PPP2R5E: variants seen among roughly 807,000 people sequenced by gnomAD.
The protein encoded by PPP2R5E is serine/threonine-protein phosphatase 2A 56 kDa regulatory subunit epsilon isoform.
Under a neutral mutation model 65.3 loss-of-function variants are expected in PPP2R5E, and 4 were observed. The ratio of observed to expected loss-of-function variants is 0.06; its 90% CI spans 0.03 to 0.14. PPP2R5E has a LOEUF of 0.14. PPP2R5E is among the 10% of genes least tolerant of loss of function. PPP2R5E has a pLI of 1.00. For synonymous variants in PPP2R5E, 183 were observed against 187.4 expected, an observed-to-expected ratio of 0.98 and a Z score of 0.19; for missense variants, 274 against 556.1, an observed-to-expected ratio of 0.49 and a Z score of 5.10.
rs1883795735 is a variant in PPP2R5E at position 63,373,384 on chromosome 14, C to T, written c.*2625G>A. ...TGTGGGAAGGGACAGAGAGAGAGGG[C>T]TGCTGCAAATGCAGCAAGTACGTCC... On this transcript the variant is annotated 3_prime_UTR_variant, in exon 14 of 14. Transcript: ENST00000337537. The T allele has an allele frequency of 6.6e-6, 1 of 152,198 alleles. No homozygotes were observed. Among genetic ancestry groups the T allele is most frequent in the Admixed American group, 6.6e-5 (1 of 15,266 alleles). 9.4% of individuals were successfully genotyped at this position (152,198 alleles called of 1,614,324 possible).
Position 63,445,426 on chromosome 14 carries a change from T to G in PPP2R5E, c.354+8263A>C, listed in dbSNP as rs754528171. Among the ~76,000 whole-genome samples, 216 of 152,260 alleles carry G rather than the reference T, an allele frequency of 1.4e-3. 2 individuals carry two copies. Among genetic ancestry groups the G allele is most frequent in the Non-Finnish European group, 2.7e-3 (186 of 68,046 alleles). On this transcript the variant is annotated intron_variant, in intron 3 of 13. Transcript: ENST00000337537. ...TTGCTAAAAAATGCTAACAATCATC[T>G]GAGCCTTTAGCGAGTTGTAATCTTT...
chr14:63,376,090 C>T lies in PPP2R5E; in HGVS notation c.1323G>A (p.Lys441=), dbSNP rs555683203. The T allele has an allele frequency of 8.7e-6, 14 of 1,603,692 alleles. No homozygotes were observed. In the East Asian group the frequency reaches 3.1e-4, roughly 36 times the overall value. ...ATTTTTTCCACAATTCTTCACGCTC[C>T]TTTTCTTTCTTTTTCTCACTGAGGA... The part of the protein sequence containing the change: ...SDRQREKKKE[K]EREELWKKLE... The change falls in exon 14 of 14, where the codon AAG becomes AAA. Residue 441 remains lysine (K), a synonymous_variant. Transcript: ENST00000337537.
chr14:63,406,619 A>G (rs1350792852), intron 5 of PPP2R5E, among the ~76,000 whole-genome samples: 3 of 152,168 alleles, frequency 2.0e-5, no homozygotes, highest in Admixed American at 1.3e-4. Context: ...GGTCATACCA[A>G]CACTACTTAA....
At position 63,395,351 on chromosome 14, in the gene PPP2R5E, A is replaced by G. The variant is rs1340697145; in HGVS notation, c.681-66T>C. The G allele has an allele frequency of 3.9e-6, 3 of 764,820 alleles. No homozygotes were observed. In the African/African-American group the frequency reaches 6.5e-5, roughly 17 times the overall value. 47.4% of individuals were successfully genotyped at this position (764,820 alleles called of 1,614,324 possible). A position where few individuals can be genotyped will look rare whatever the true frequency, so the allele number is the denominator to read the frequency against. ...AGGAGGAGAAGGAAGGGATAAAAAG[A>G]GGAGGAGGAGGAGGAGAAGGGGGAG... On this transcript the variant is annotated intron_variant, in intron 6 of 13. Transcript: ENST00000337537.
At chr14:63,442,807 C>T (rs1888301127) in intron 3 of PPP2R5E, among the ~76,000 whole-genome samples, 2 of 152,082 alleles carry the variant, frequency 1.3e-5, no homozygotes, top group Admixed American at 1.3e-4. Context: ...TAACATATCC[C>T]CATGGTTAAG....
intron 3 of PPP2R5E, among the ~76,000 whole-genome samples, chr14:63,430,878 A>G (rs911013409): frequency 1.3e-5 from 2 of 152,242 alleles, no homozygotes; most frequent in Non-Finnish European, 2.9e-5. Context: ...GACTAGGTAT[A>G]AAGTCTTTTT....
intron 2 of PPP2R5E, among the ~76,000 whole-genome samples, chr14:63,498,590 C>T (rs1446164173): frequency 2.0e-5 from 3 of 151,764 alleles, no homozygotes; most frequent in African/African-American, 7.3e-5. Flanking sequence ...CAGGGTCTCA[C>T]TCTGTCACCC....
chr14:63,462,859 T>C (rs1048290940), intron 2 of PPP2R5E, among the ~76,000 whole-genome samples: 84 of 152,064 alleles, frequency 5.5e-4, no homozygotes, highest in African/African-American at 2.0e-3. Context: ...TCCCAGCACT[T>C]TGGGAGGCCG....
intron 10 of PPP2R5E, 22 bp from the exon 11 acceptor site, chr14:63,389,753 A>G: frequency 1.3e-6 from 2 of 1,568,788 alleles, no homozygotes; most frequent in Non-Finnish European, 1.7e-6. Context: ...AGCAAAATAC[A>G]AGATGTGAGG....
At chr14:63,414,319 T>G (rs1200913506) in intron 5 of PPP2R5E, among the ~76,000 whole-genome samples, 1 of 152,214 alleles carries the variant, frequency 6.6e-6, no homozygotes, top group Non-Finnish European at 1.5e-5. Flanking sequence ...GGTCTTGCTC[T>G]TTTGCCCAGG....
intron 5 of PPP2R5E, among the ~76,000 whole-genome samples, chr14:63,410,161 T>C (rs1409713523): frequency 6.6e-6 from 1 of 152,152 alleles, no homozygotes; most frequent in Non-Finnish European, 1.5e-5. Flanking sequence ...ATAAATTCTG[T>C]CTAACTGAAG....
intron 11 of PPP2R5E, among the ~76,000 whole-genome samples, chr14:63,389,352 C>A (rs1314129088): frequency 6.6e-6 from 1 of 151,762 alleles, no homozygotes; most frequent in East Asian, 1.9e-4. Context: ...GTGTTCACAT[C>A]TGTATGTCTT....
chr14:63,518,335 G>A (rs945133774), intron 2 of PPP2R5E, among the ~76,000 whole-genome samples: 32 of 152,134 alleles, frequency 2.1e-4, no homozygotes, highest in African/African-American at 7.7e-4. Context: ...TCAAACTCCT[G>A]GGTTCAAGGG....
chr14:63,411,824 C>T (rs754709083), intron 5 of PPP2R5E, among the ~76,000 whole-genome samples: 6 of 152,090 alleles, frequency 3.9e-5, no homozygotes, highest in African/African-American at 1.4e-4. Flanking sequence ...GTGTACAGTC[C>T]GAAGAACAAT....
rs142984652 is a variant in PPP2R5E at position 63,491,815 on chromosome 14, C to G, written c.158-37930G>C. On this transcript the variant is annotated intron_variant, in intron 2 of 13. Transcript: ENST00000337537. Reference sequence around the variant, plus strand: ...TGAGCAGAGATTGCACCATTGCACTCCAGTCTGGGTGACAAGAATGAAACT... The same window carrying G: ...TGAGCAGAGATTGCACCATTGCACTGCAGTCTGGGTGACAAGAATGAAACT... Among the ~76,000 whole-genome samples the G allele has an allele frequency of 3.1e-4, 47 of 152,142 alleles. 1 individual carries two copies. Among genetic ancestry groups the G allele is most frequent in the African/African-American group, 1.1e-3 (47 of 41,550 alleles).
chr14:63,485,114 A>C (rs1890912014), intron 2 of PPP2R5E, among the ~76,000 whole-genome samples: 1 of 151,910 alleles, frequency 6.6e-6, no homozygotes. Flanking sequence ...TAAATGTTCT[A>C]TCCAAAAGAA....
chr14:63,409,658 C>T (rs1289281914), intron 5 of PPP2R5E, among the ~76,000 whole-genome samples: 3 of 152,128 alleles, frequency 2.0e-5, no homozygotes, highest in East Asian at 1.9e-4. Context: ...ACTGAGGCTC[C>T]GAGTGGTCAA....
At chr14:63,485,491 C>A (rs1037014054) in intron 2 of PPP2R5E, among the ~76,000 whole-genome samples, 16 of 152,172 alleles carry the variant, frequency 1.1e-4, no homozygotes, top group African/African-American at 3.6e-4. Flanking sequence ...CTCGGCTCAC[C>A]ACAACCTCTG....
chr14:63,515,268 CCT>C (rs1892623964), intron 2 of PPP2R5E, among the ~76,000 whole-genome samples: 1 of 152,164 alleles, frequency 6.6e-6, no homozygotes, highest in South Asian at 2.1e-4. Flanking sequence ...GAAATACCCT[CCT>C]CTGATTGAAG....
Sources: gnomAD v4.1 joint callset for allele counts (sites outside exome capture counted in the v4.1 genomes callset) on GRCh38, gnomAD v4.1.1 for gene constraint, MANE v1.5 for transcripts, NCBI Gene and HGNC (gene_info 2026-07-23, HGNC 2026-07-21) for gene names.